PRMT8: variants seen among roughly 807,000 people sequenced by gnomAD.
The protein encoded by PRMT8 is protein arginine N-methyltransferase 8.
Under a neutral mutation model 47.1 loss-of-function variants are expected in PRMT8, and 7 were observed. That is an observed-to-expected ratio of 0.15 (90% CI 0.08 to 0.28). The LOEUF is 0.28. PRMT8 is among the 10% of genes least tolerant of loss of function. PRMT8 has a pLI of 1.00. For missense variants in PRMT8, 237 were observed against 505.4 expected (o/e 0.47, Z 5.09); for synonymous variants, 188 against 186.5 (o/e 1.01, Z -0.07).
chr12:3,489,063 C>T (rs1380589312), upstream of PRMT8, among the ~76,000 whole-genome samples: 1 of 152,162 alleles, frequency 6.6e-6, no homozygotes, highest in East Asian at 1.9e-4. Context: ...GCTCCTCACT[C>T]ACAGCCCCAG....
chr12:3,409,674 G>A lies in PRMT8; in HGVS notation c.48+28232G>A, dbSNP rs1283221257. On this transcript the variant is annotated intron_variant, in intron 1 of 9. Transcript: ENST00000452611. This position sits in a 1 kb window ranked among gnomAD's most constrained non-coding sequence, Gnocchi z 4.4. ...TCTCAGTCAATGCTCTGTTTTCCTG[G>A]GATGTGGGATGCCACATCAGCTCAG... is the stretch of plus-strand genomic sequence containing the variant. Among the ~76,000 whole-genome samples, 4 of 152,202 alleles carry A rather than the reference G, an allele frequency of 2.6e-5. No individual in the cohort carries two copies. The highest frequency in any genetic ancestry group is 3.4e-3 in the Middle Eastern group (1 of 294).
In PRMT8 at chr12:3,508,701, C is replaced by CATGACCAG. The variant is rs1865668425; in HGVS notation, c.75+17002_75+17009dup. The stretch of plus-strand genomic sequence containing the variant: ...GTGACCCCATCCACTCTCTCAGCGT[C>CATGACCAG]ATGACCAGTTCCCATTCTCAGACTG... On this transcript the variant is annotated intron_variant, in intron 1 of 9. Transcript: ENST00000382622. The surrounding 1 kb of genome is among the most constrained non-coding windows in gnomAD (Gnocchi z 4.9). Among the ~76,000 whole-genome samples the CATGACCAG allele has an allele frequency of 6.6e-6, 1 of 152,170 alleles. No individual in the cohort carries two copies. Among genetic ancestry groups the CATGACCAG allele is most frequent in the African/African-American group, 2.4e-5 (1 of 41,434 alleles).
At chr12:3,539,233 A>G (rs552262109) in intron 1 of PRMT8, among the ~76,000 whole-genome samples, 22 of 152,314 alleles carry the variant, frequency 1.4e-4, no homozygotes, top group African/African-American at 5.3e-4. Context: ...AACTCCTCCA[A>G]ACTTTTGGAC....
chr12:3,404,740 T>C (rs1864355522), intron 1 of PRMT8, among the ~76,000 whole-genome samples: 1 of 152,256 alleles, frequency 6.6e-6, no homozygotes, highest in African/African-American at 2.4e-5. Context: ...GAGAGATGTA[T>C]TAAACTCTCT....
At chr12:3,452,439 A>G (rs1379852070) in intron 1 of PRMT8, among the ~76,000 whole-genome samples, 4 of 151,984 alleles carry the variant, frequency 2.6e-5, no homozygotes, top group Non-Finnish European at 5.9e-5. Flanking sequence ...TTCTAGCCAC[A>G]TTTTTCATAC....
Position 3,593,439 on chromosome 12 carries a change from G to A in PRMT8, c.*257G>A. On this transcript the variant is annotated 3_prime_UTR_variant, in exon 10 of 10. Transcript: ENST00000382622. This position sits in a 1 kb window ranked among gnomAD's most constrained non-coding sequence, Gnocchi z 4.8. Reference sequence around the variant, plus strand: ...ACAAAGAGCGACCTGGCGTGCTGTGGCTGGGCCCCGAGGGTGGAAACGTAT... The same window carrying A: ...ACAAAGAGCGACCTGGCGTGCTGTGACTGGGCCCCGAGGGTGGAAACGTAT... The A allele has an allele frequency of 2.1e-6, 1 of 478,984 alleles. No homozygotes were observed. The highest frequency in any genetic ancestry group is 3.7e-6 in the Non-Finnish European group (1 of 270,820). The allele number at this position is 478,984 out of a possible 1,614,324, so 29.7% of individuals were successfully genotyped here.
At chr12:3,509,505 A>G (rs183669497) in intron 1 of PRMT8, among the ~76,000 whole-genome samples, 1 of 152,336 alleles carries the variant, frequency 6.6e-6, no homozygotes, top group Non-Finnish European at 1.5e-5. Flanking sequence ...ACTTTGTGAG[A>G]GTAGACACTG....
intron 4 of PRMT8, 122 bp downstream of exon 4, chr12:3,553,836 G>T: frequency 1.1e-6 from 1 of 886,850 alleles, no homozygotes; most frequent in Non-Finnish European, 1.8e-6. Flanking sequence ...GGTGCACCCA[G>T]CTGAGGCCCC....
intron 1 of PRMT8, among the ~76,000 whole-genome samples, chr12:3,512,860 C>T (rs538892376): frequency 6.6e-5 from 10 of 152,288 alleles, no homozygotes; most frequent in African/African-American, 2.2e-4. Flanking sequence ...TGTTCCACAG[C>T]TGGGTGGCAT....
At chr12:3,513,064 G>A (rs1055598089) in intron 1 of PRMT8, among the ~76,000 whole-genome samples, 3 of 152,170 alleles carry the variant, frequency 2.0e-5, no homozygotes, top group African/African-American at 4.8e-5. Context: ...GCAACACCGG[G>A]GATCAAAGGG....
rs577875089 is a variant in PRMT8 at position 3,495,569 on chromosome 12, C to T, written c.75+3869C>T. Among the ~76,000 whole-genome samples, 3 of 152,288 alleles carry T rather than the reference C, an allele frequency of 2.0e-5. No homozygotes were observed. In the East Asian group the frequency reaches 5.8e-4, roughly 29 times the overall value. ...TCTCTCCCCAGGGAGGGGCATTACC[C>T]TTTCTTATGTGTTCCTAACGCCTGT... On this transcript the variant is annotated intron_variant, in intron 1 of 9. Coordinates refer to ENST00000382622, the MANE Select transcript of PRMT8 (RefSeq NM_019854.5).
upstream of PRMT8, among the ~76,000 whole-genome samples, chr12:3,488,499 TC>T (rs2137106807): frequency 6.6e-6 from 1 of 152,322 alleles, no homozygotes; most frequent in South Asian, 2.1e-4. Context: ...CCACATGTTT[TC>T]TTGCCTCCCA....
chr12:3,540,376 G>T (rs1591592743), intron 1 of PRMT8, among the ~76,000 whole-genome samples: 2 of 152,172 alleles, frequency 1.3e-5, no homozygotes, highest in South Asian at 4.1e-4. Flanking sequence ...CTGAAGGTGG[G>T]TGAAATCTAG....
chr12:3,448,240 A>G (rs1002787022), intron 1 of PRMT8, among the ~76,000 whole-genome samples: 1 of 152,138 alleles, frequency 6.6e-6, no homozygotes, highest in Non-Finnish European at 1.5e-5. Context: ...CCCAGCCTCA[A>G]GTGATCCTCC....
chr12:3,451,549 G>A (rs1026580163), intron 1 of PRMT8, among the ~76,000 whole-genome samples: 1 of 152,204 alleles, frequency 6.6e-6, no homozygotes, highest in African/African-American at 2.4e-5. Context: ...CAACATTCAG[G>A]AGGCTGCCTA....
chr12:3,399,082 G>C (rs1864292622), intron 1 of PRMT8, among the ~76,000 whole-genome samples: 1 of 152,140 alleles, frequency 6.6e-6, no homozygotes, highest in Admixed American at 6.5e-5. Flanking sequence ...TTTTCACTCT[G>C]ACTTAGTCTA....
At chr12:3,418,752 A>T (rs1864508853) in intron 1 of PRMT8, among the ~76,000 whole-genome samples, 1 of 142,502 alleles carries the variant, frequency 7.0e-6, no homozygotes, top group South Asian at 2.5e-4. Context: ...GAGCAGACCC[A>T]GGAAAGCAGT....
chr12:3,592,961 G>T (rs1867343028), intron 9 of PRMT8, 138 bp from the exon 10 acceptor site: 2 of 690,412 alleles, frequency 2.9e-6, no homozygotes, highest in South Asian at 3.2e-5. Flanking sequence ...CTGTTCAGGG[G>T]AACCCCTTAG....
intron 1 of PRMT8, among the ~76,000 whole-genome samples, chr12:3,519,741 C>T (rs1045428203): frequency 5.9e-5 from 9 of 152,032 alleles, no homozygotes; most frequent in Non-Finnish European, 1.2e-4. Flanking sequence ...GTTGTAAACT[C>T]CAAGGACTAC....
Sources: gnomAD v4.1 joint callset for allele counts (sites outside exome capture counted in the v4.1 genomes callset) on GRCh38, gnomAD v4.1.1 for gene constraint, Gnocchi (gnomAD v3.1) non-coding constraint, MANE v1.5 for transcripts, NCBI Gene and HGNC (gene_info 2026-07-23, HGNC 2026-07-21) for gene names.